The following GRIN2B variants were observed in gnomAD, a reference collection of about 807,000 sequenced individuals.
GRIN2B encodes the protein glutamate ionotropic receptor NMDA type subunit 2B, also known as glutamate receptor ionotropic, NMDA 2B.
In GRIN2B, 5 loss-of-function variants were observed where a neutral mutation model predicts 114.5. The ratio of observed to expected loss-of-function variants is 0.04; its 90% confidence interval spans 0.02 to 0.09. The LOEUF is 0.09. Ranked by LOEUF, GRIN2B falls within the 10% of genes least tolerant of loss-of-function variation. The pLI, the probability that GRIN2B is intolerant of heterozygous loss-of-function variation, is 1.00. For synonymous variants in GRIN2B, 787 were observed against 745.1 expected, an observed-to-expected ratio of 1.06 and a Z score of -0.92; for missense variants, 1,108 against 1,943.5, an observed-to-expected ratio of 0.57 and a Z score of 8.08.
chr12:13,746,159 G>C (rs1206160191), intron 4 of GRIN2B, among the ~76,000 whole-genome samples: 1 of 152,124 alleles, frequency 6.6e-6, no homozygotes, highest in African/African-American at 2.4e-5. Context: ...AGAGTGATCA[G>C]GGAATGTCTC....
chr12:13,961,943 T>C (rs1488984772), intron 2 of GRIN2B, among the ~76,000 whole-genome samples: 1 of 152,120 alleles, frequency 6.6e-6, no homozygotes, highest in East Asian at 1.9e-4. Flanking sequence ...GGCTGTACAT[T>C]AGAACCACCT....
At chr12:13,783,970 T>G (rs1864170608) in intron 3 of GRIN2B, among the ~76,000 whole-genome samples, 1 of 152,080 alleles carries the variant, frequency 6.6e-6, no homozygotes, top group African/African-American at 2.4e-5. Context: ...ATGCCTGTAA[T>G]CCCAGCACTT....
intron 10 of GRIN2B, among the ~76,000 whole-genome samples, chr12:13,573,079 C>T (rs1948726958): frequency 7.4e-6 from 1 of 134,526 alleles, no homozygotes; most frequent in African/African-American, 2.9e-5. Context: ...CTCTGTGCAT[C>T]CTGTCCTCAT....
At chr12:13,906,195 G>C (rs1340961186) in intron 2 of GRIN2B, among the ~76,000 whole-genome samples, 1 of 152,154 alleles carries the variant, frequency 6.6e-6, no homozygotes, top group East Asian at 1.9e-4. Flanking sequence ...TAGCCACACA[G>C]CCATATTCTC....
chr12:13,791,605 C>T (rs1864323248), intron 3 of GRIN2B, among the ~76,000 whole-genome samples: 1 of 152,052 alleles, frequency 6.6e-6, no homozygotes, highest in Non-Finnish European at 1.5e-5. Context: ...TCTGAGTTAA[C>T]CACATGAATA....
intron 3 of GRIN2B, among the ~76,000 whole-genome samples, chr12:13,794,619 GA>G (rs771681893): frequency 6.6e-6 from 1 of 152,334 alleles, no homozygotes; most frequent in Non-Finnish European, 1.5e-5. Context: ...ACAGTTGTCT[GA>G]TAGAGCCATC....
chr12:13,731,309 C>T (rs1863083103), intron 4 of GRIN2B, among the ~76,000 whole-genome samples: 1 of 152,104 alleles, frequency 6.6e-6, no homozygotes, highest in South Asian at 2.1e-4. Flanking sequence ...ATCATCATCC[C>T]TTCAATCTTA....
Position 13,547,981 on chromosome 12 carries a change from A to ATATATATATTTTTTTTTTTTTTTT in GRIN2B, c.*14801_*14802insAAAAAAAAAAAAAAAATATATATA. On this transcript the variant is annotated 3_prime_UTR_variant, in exon 14 of 14. Transcript: ENST00000609686. ...TGTGTATATATATATATATATATAT[A>ATATATATATTTTTTTTTTTTTTTT]TTTTTTTTTTTTTTCTGAAAGCTAC... The ATATATATATTTTTTTTTTTTTTTT allele has an allele frequency of 5.8e-5, 4 of 68,586 alleles. No homozygotes were observed. The highest frequency in any genetic ancestry group is 5.7e-4 in the East Asian group (1 of 1,742). The allele number at this position is 68,586 out of a possible 1,614,324, so 4.2% of individuals were successfully genotyped here.
intron 5 of GRIN2B, among the ~76,000 whole-genome samples, chr12:13,630,895 T>G (rs1949610371): frequency 6.6e-6 from 1 of 152,172 alleles, no homozygotes; most frequent in Non-Finnish European, 1.5e-5. Flanking sequence ...TGATTCATAA[T>G]TCTGCATGGC....
rs971422241 is a variant in GRIN2B at position 13,971,940 on chromosome 12, A to AT, written c.-19+7987dup. On this transcript the variant is annotated intron_variant, in intron 2 of 13. Coordinates refer to ENST00000609686, the MANE Select transcript of GRIN2B (RefSeq NM_000834.5). ...CTAAGTACCGTCATATCCCAACAGC[A>AT]TTTTTTTTTAACTTCTGGCCCAGGG... Among the ~76,000 whole-genome samples, 9 of 151,282 alleles carry AT rather than the reference A, an allele frequency of 5.9e-5. No individual in the cohort carries two copies. In the East Asian group the frequency reaches 9.7e-4, roughly 16 times the overall value.
intron 5 of GRIN2B, among the ~76,000 whole-genome samples, chr12:13,666,007 T>A (rs1591665987): frequency 6.6e-6 from 1 of 151,776 alleles, no homozygotes; most frequent in Non-Finnish European, 1.5e-5. Context: ...TCAGGAAGAG[T>A]CAAAGATGAT....
chr12:13,886,762 C>T (rs929073806), intron 2 of GRIN2B, among the ~76,000 whole-genome samples: 11 of 152,202 alleles, frequency 7.2e-5, no homozygotes, highest in African/African-American at 1.2e-4. Flanking sequence ...AAGCCAGCTC[C>T]GGGGGTATCA....
intron 3 of GRIN2B, among the ~76,000 whole-genome samples, chr12:13,785,548 C>G (rs1030832158): frequency 2.0e-5 from 3 of 152,146 alleles, no homozygotes; most frequent in Admixed American, 2.0e-4. Flanking sequence ...TTTTATTCAG[C>G]TTGTTTCATG....
chr12:13,600,001 G>T (rs146872444), intron 10 of GRIN2B, among the ~76,000 whole-genome samples: 106 of 152,264 alleles, frequency 7.0e-4, no homozygotes, highest in East Asian at 6.0e-3. Flanking sequence ...CCTATTTTTG[G>T]CTTTAATTTT....
At position 13,562,995 on chromosome 12, in the gene GRIN2B, A is replaced by G. The variant is rs1026371314; in HGVS notation, c.4243T>C (p.Ser1415Pro). The G allele has an allele frequency of 1.2e-6, 2 of 1,613,442 alleles. No individual in the cohort carries two copies. Among genetic ancestry groups the G allele is most frequent in the Non-Finnish European group, 1.7e-6 (2 of 1,179,482 alleles). The change falls in exon 14 of 14, where the codon TCG (serine) becomes CCG (proline). Residue 1415 changes from serine to proline, a missense_variant. Ser to Pro is a moderately conservative substitution (Grantham distance 74). Coordinates refer to ENST00000609686, the MANE Select transcript of GRIN2B (RefSeq NM_000834.5). ...GCCCGGAAGTCCGGCCTGGCTTTCGACGCCCCCGCCACCGTGGGCTGCCTG... is the reference window on the plus strand; with the variant it reads ...GCCCGGAAGTCCGGCCTGGCTTTCGGCGCCCCCGCCACCGTGGGCTGCCTG... ...FFRQPTVAGA[S>P]KARPDFRALV...
chr12:13,913,923 T>A (rs1394027465), intron 2 of GRIN2B, among the ~76,000 whole-genome samples: 1 of 152,198 alleles, frequency 6.6e-6, no homozygotes. Flanking sequence ...ATTAAATAAG[T>A]TAATTTATGA....
intron 10 of GRIN2B, among the ~76,000 whole-genome samples, chr12:13,598,211 C>T (rs1048455834): frequency 3.3e-5 from 5 of 152,240 alleles, no homozygotes; most frequent in African/African-American, 1.2e-4. Context: ...AACCTCAGTG[C>T]AGCTGGTCAC....
intron 3 of GRIN2B, among the ~76,000 whole-genome samples, chr12:13,816,448 C>T (rs1864825509): frequency 1.3e-5 from 2 of 152,062 alleles, no homozygotes; most frequent in South Asian, 4.2e-4. Flanking sequence ...TTAAAAGAGG[C>T]CAGAATAATA....
chr12:13,920,696 T>C (rs1866808460), intron 2 of GRIN2B, among the ~76,000 whole-genome samples: 1 of 152,160 alleles, frequency 6.6e-6, no homozygotes, highest in African/African-American at 2.4e-5. Context: ...CACTTTGATG[T>C]TGGCCTGTGG....
Sources: allele counts gnomAD v4.1 joint callset (sites outside exome capture counted in the v4.1 genomes callset), GRCh38; gene constraint gnomAD v4.1.1; transcripts MANE v1.5; gene names NCBI Gene and HGNC (gene_info 2026-07-23, HGNC 2026-07-21).